The following LIN52 variants were observed in gnomAD, a reference collection of about 807,000 sequenced individuals.
The protein encoded by LIN52 is lin-52 DREAM MuvB core complex component.
In LIN52, 4 loss-of-function variants were observed where a neutral mutation model predicts 18.5. That is an observed-to-expected ratio of 0.22 (90% CI 0.11 to 0.49). The LOEUF is 0.49. LIN52 is among the 20% of genes least tolerant of loss of function. The pLI, the probability that LIN52 is intolerant of heterozygous loss-of-function variation, is 0.97. For synonymous variants in LIN52, 34 were observed against 45.5 expected (o/e 0.75, Z 1.02); for missense variants, 102 against 139.5 (o/e 0.73, Z 1.35).
At chr14:74,153,056 A>G (rs2139557533) in intron 5 of LIN52, among the ~76,000 whole-genome samples, 1 of 151,682 alleles carries the variant, frequency 6.6e-6, no homozygotes, top group East Asian at 1.9e-4. Flanking sequence ...GGAAAAATTT[A>G]TTATTATATT....
chr14:74,182,930 G>A (rs1473807623), intron 5 of LIN52, among the ~76,000 whole-genome samples: 3 of 152,134 alleles, frequency 2.0e-5, no homozygotes, highest in Non-Finnish European at 4.4e-5. Flanking sequence ...AAGCTTGGAA[G>A]GTAGTAGCTC....
chr14:74,102,815 C>T (rs961237118), intron 5 of LIN52, among the ~76,000 whole-genome samples: 1 of 152,174 alleles, frequency 6.6e-6, no homozygotes, highest in Admixed American at 6.5e-5. Flanking sequence ...TATGGTTCCT[C>T]TAATTAGTTT....
intron 1 of LIN52, among the ~76,000 whole-genome samples, chr14:74,089,555 A>G (rs2060758229): frequency 6.6e-6 from 1 of 151,750 alleles, no homozygotes; most frequent in Non-Finnish European, 1.5e-5. Flanking sequence ...TTTTGTAGAG[A>G]TGGGTTTTCA....
intron 3 of LIN52, 24 bp from the exon 4 acceptor site, chr14:74,097,770 A>T (rs370251731): frequency 3.9e-6 from 6 of 1,545,360 alleles, no homozygotes; most frequent in Non-Finnish European, 4.5e-6. Flanking sequence ...TATGTGTCTG[A>T]ATGGATATAT....
At chr14:74,144,623 G>C (rs2061146516) in intron 5 of LIN52, among the ~76,000 whole-genome samples, 1 of 152,168 alleles carries the variant, frequency 6.6e-6, no homozygotes, top group Admixed American at 6.5e-5. Context: ...TGGTAAGTCA[G>C]CTTGTCGCTT....
chr14:74,099,074 A>G (rs1176399741), intron 4 of LIN52, among the ~76,000 whole-genome samples: 4 of 152,198 alleles, frequency 2.6e-5, no homozygotes, highest in Non-Finnish European at 4.4e-5. Flanking sequence ...GGAAATTTAA[A>G]TTAAAAAACA....
intron 1 of LIN52, chr14:74,085,389 G>A (rs1465539930): frequency 6.0e-6 from 1 of 167,492 alleles, no homozygotes; most frequent in Non-Finnish European, 1.3e-5. Flanking sequence ...TTCTGATTGA[G>A]CGCACGGATG....
intron 5 of LIN52, among the ~76,000 whole-genome samples, chr14:74,153,764 G>A (rs556026016): frequency 2.6e-5 from 4 of 152,130 alleles, no homozygotes; most frequent in Admixed American, 6.5e-5. Context: ...GGCTGGTTTC[G>A]AACTGCTGAC....
At chr14:74,092,744 C>A (rs1033454829) in intron 2 of LIN52, among the ~76,000 whole-genome samples, 1 of 151,690 alleles carries the variant, frequency 6.6e-6, no homozygotes, top group Non-Finnish European at 1.5e-5. Context: ...TGGCGAAACC[C>A]TGTCTCTATC....
chr14:74,135,193 T>C (rs1055162820), intron 5 of LIN52, among the ~76,000 whole-genome samples: 1 of 152,100 alleles, frequency 6.6e-6, no homozygotes, highest in Admixed American at 6.5e-5. Flanking sequence ...GCCTCCCGAG[T>C]AGCTGGTCCT....
At position 74,201,442 on chromosome 14, in the gene LIN52, C is replaced by T. The variant is rs2078948582; in HGVS notation, c.*2465C>T. 6.6e-6 allele frequency among the ~76,000 whole-genome samples: 1 copy of T among 152,142 alleles called. No individual in the cohort carries two copies. Among genetic ancestry groups the T allele is most frequent in the African/African-American group, 2.4e-5 (1 of 41,414 alleles). On this transcript the variant is annotated 3_prime_UTR_variant, in exon 6 of 6. Coordinates refer to ENST00000555028, the MANE Select transcript of LIN52 (RefSeq NM_001024674.3). ...ACACCCGAAAGTAGTATTTAGAAAC[C>T]CTTAATACCTTCCCGTGTCTACTAA...
At chr14:74,137,494 C>T in intron 5 of LIN52, among the ~76,000 whole-genome samples, 1 of 87,346 alleles carries the variant, frequency 1.1e-5, no homozygotes, top group Non-Finnish European at 2.1e-5. Flanking sequence ...TTCACAGCAG[C>T]TCTCTTTTTT....
intron 1 of LIN52, among the ~76,000 whole-genome samples, chr14:74,088,087 T>C (rs2060747822): frequency 6.6e-6 from 1 of 151,962 alleles, no homozygotes; most frequent in Non-Finnish European, 1.5e-5. Flanking sequence ...TAATTTATTA[T>C]TATTATTATT....
intron 5 of LIN52, among the ~76,000 whole-genome samples, chr14:74,152,959 CAAAAA>C (rs1189515836): frequency 2.4e-5 from 1 of 41,556 alleles, no homozygotes; most frequent in Non-Finnish European, 5.4e-5. Context: ...GACTCTGTCT[CAAAAA>C]AAAAAAAAAA....
At chr14:74,112,026 A>G (rs892817513) in intron 5 of LIN52, among the ~76,000 whole-genome samples, 3 of 152,020 alleles carry the variant, frequency 2.0e-5, no homozygotes, top group South Asian at 4.1e-4. Flanking sequence ...GATTACAGGC[A>G]TACGCCACCA....
At chr14:74,107,546 T>C (rs1238741215) in intron 5 of LIN52, among the ~76,000 whole-genome samples, 1 of 152,110 alleles carries the variant, frequency 6.6e-6, no homozygotes, top group East Asian at 1.9e-4. Context: ...GAGCAGTTTG[T>C]TTGTTTGATT....
intron 1 of LIN52, 164 bp downstream of exon 1, chr14:74,085,157 C>A: frequency 1.7e-6 from 1 of 573,166 alleles, no homozygotes; most frequent in Non-Finnish European, 2.6e-6. Context: ...CTCACCGGTT[C>A]TTCACAGCAG....
At chr14:74,161,942 G>C (rs2061226966) in intron 5 of LIN52, among the ~76,000 whole-genome samples, 1 of 152,200 alleles carries the variant, frequency 6.6e-6, no homozygotes, top group Admixed American at 6.5e-5. Flanking sequence ...ACCAGGCTAA[G>C]TGACAGAGAA....
intron 5 of LIN52, among the ~76,000 whole-genome samples, chr14:74,150,015 A>G (rs2061169827): frequency 6.6e-6 from 1 of 152,206 alleles, no homozygotes; most frequent in South Asian, 2.1e-4. Flanking sequence ...AACAATTTAT[A>G]GTTAAAAGAT....
Sources: gnomAD v4.1 joint callset for allele counts (sites outside exome capture counted in the v4.1 genomes callset) on GRCh38, gnomAD v4.1.1 for gene constraint, MANE v1.5 for transcripts, NCBI Gene and HGNC (gene_info 2026-07-23, HGNC 2026-07-21) for gene names.